TIAM1: variants seen among roughly 807,000 people sequenced by gnomAD.
The protein encoded by TIAM1 is TIAM Rac1 associated GEF 1.
Under a neutral mutation model 163.5 loss-of-function variants are expected in TIAM1, and 65 were observed. That is an observed-to-expected ratio of 0.40 (90% CI 0.33 to 0.49). The LOEUF (loss-of-function observed/expected upper bound fraction) is 0.49. Among genes scored for constraint, TIAM1 ranks in the 20% least tolerant of loss-of-function variants. The pLI is 0.77. For missense variants in TIAM1, 1,789 were observed against 2,044.7 expected, an observed-to-expected ratio of 0.87 and a Z score of 2.41; for synonymous variants, 833 against 810.1, an observed-to-expected ratio of 1.03 and a Z score of -0.48.
At chr21:31,521,396 G>T (rs897022763) in intron 1 of TIAM1, among the ~76,000 whole-genome samples, 1 of 152,110 alleles carries the variant, frequency 6.6e-6, no homozygotes, top group Non-Finnish European at 1.5e-5. Context: ...CTTATCCTTA[G>T]AGCACTGATA....
At chr21:31,475,905 T>G (rs1287497535) in intron 1 of TIAM1, among the ~76,000 whole-genome samples, 1 of 152,224 alleles carries the variant, frequency 6.6e-6, no homozygotes, top group African/African-American at 2.4e-5. Flanking sequence ...GGGCAGGTCA[T>G]TTTTATATAA....
chr21:31,557,257 T>A (rs898771017), intron 1 of TIAM1, among the ~76,000 whole-genome samples: 1 of 152,186 alleles, frequency 6.6e-6, no homozygotes, highest in African/African-American at 2.4e-5. Context: ...CAGCAGTCCT[T>A]CATGCCTTTT....
At chr21:31,228,213 C>CTTT (rs1224052189) in intron 6 of TIAM1, among the ~76,000 whole-genome samples, 1 of 22,222 alleles carries the variant, frequency 4.5e-5, no homozygotes, top group Non-Finnish European at 8.7e-5. Context: ...GCCCGGCCTC[C>CTTT]TTTTTTTAAA....
intron 1 of TIAM1, among the ~76,000 whole-genome samples, chr21:31,520,224 G>C (rs926868216): frequency 1.3e-5 from 2 of 151,880 alleles, no homozygotes; most frequent in African/African-American, 4.8e-5. Context: ...CAAGCTACTC[G>C]GGAGGCTGGG....
At chr21:31,338,250 TGGGAAACTC>T (rs1357726719) in intron 2 of TIAM1, among the ~76,000 whole-genome samples, 2 of 152,000 alleles carry the variant, frequency 1.3e-5, no homozygotes, top group African/African-American at 4.8e-5. Flanking sequence ...GAATGCAGGG[TGGGAAACTC>T]TAAAAGTTAC....
intron 16 of TIAM1, chr21:31,160,793 T>C (rs2083878340): frequency 6.2e-6 from 2 of 322,256 alleles, no homozygotes; most frequent in Non-Finnish European, 1.1e-5. Context: ...GGCTAAACTG[T>C]GGACCAGAAC....
intron 1 of TIAM1, among the ~76,000 whole-genome samples, chr21:31,549,533 G>A (rs186479474): frequency 1.2e-4 from 18 of 152,074 alleles, no homozygotes; most frequent in East Asian, 5.8e-4. Flanking sequence ...GAAAATATAC[G>A]ATTAGCCTAC....
At chr21:31,556,259 A>G (rs191868622) in intron 1 of TIAM1, among the ~76,000 whole-genome samples, 84 of 152,334 alleles carry the variant, frequency 5.5e-4, no homozygotes, top group African/African-American at 1.9e-3. Flanking sequence ...ATTGACATCT[A>G]GCAACAATGC....
At chr21:31,124,885 T>G (rs545185661) in intron 26 of TIAM1, among the ~76,000 whole-genome samples, 191 bp from the exon 27 acceptor site, 1 of 152,198 alleles carries the variant, frequency 6.6e-6, no homozygotes, top group African/African-American at 2.4e-5. Flanking sequence ...TTTCCCTTCA[T>G]GCTTTGTGAT....
intron 2 of TIAM1, among the ~76,000 whole-genome samples, chr21:31,283,537 T>TTTA (rs2073665171): frequency 1.3e-5 from 2 of 151,152 alleles, no homozygotes; most frequent in African/African-American, 4.9e-5. Context: ...TCTTTCCCTT[T>TTTA]TTTATTTATT....
chr21:31,506,261 T>TACACAC (rs112908703), intron 1 of TIAM1, among the ~76,000 whole-genome samples: 1,816 of 148,344 alleles, frequency 0.012, 35 homozygotes, highest in African/African-American at 0.033. Context: ...CTCACACACG[T>TACACAC]ACACACACAC....
chr21:31,521,540 A>T (rs1049438117), intron 1 of TIAM1, among the ~76,000 whole-genome samples: 1 of 152,180 alleles, frequency 6.6e-6, no homozygotes, highest in African/African-American at 2.4e-5. Flanking sequence ...GTTGAAGACC[A>T]GCCTGGGTAA....
intron 2 of TIAM1, among the ~76,000 whole-genome samples, chr21:31,431,995 T>C (rs1229290162): frequency 6.6e-6 from 1 of 152,066 alleles, no homozygotes; most frequent in Non-Finnish European, 1.5e-5. Context: ...CTATGCAGAG[T>C]TACATGCCAT....
intron 2 of TIAM1, among the ~76,000 whole-genome samples, chr21:31,459,056 C>T (rs1474013197): frequency 6.6e-6 from 1 of 152,126 alleles, no homozygotes; most frequent in Non-Finnish European, 1.5e-5. Flanking sequence ...AGCTTTCAAA[C>T]AAACTATAAT....
intron 6 of TIAM1, among the ~76,000 whole-genome samples, chr21:31,227,729 G>C (rs2088072782): frequency 1.3e-5 from 2 of 152,110 alleles, no homozygotes; most frequent in Non-Finnish European, 2.9e-5. Context: ...CTCTTTGCAG[G>C]TCATTATCTT....
chr21:31,405,567 G>C (rs1266458526), intron 2 of TIAM1, among the ~76,000 whole-genome samples: 3 of 152,148 alleles, frequency 2.0e-5, no homozygotes, highest in Admixed American at 2.0e-4. Flanking sequence ...CACATGGCTG[G>C]GGAGGCCTCA....
chr21:31,448,091 C>T (rs2044695007), intron 2 of TIAM1, among the ~76,000 whole-genome samples: 1 of 152,164 alleles, frequency 6.6e-6, no homozygotes, highest in South Asian at 2.1e-4. Flanking sequence ...ACTCAGTCTA[C>T]TGATTTCAAG....
At chr21:31,438,139 TAC>T (rs1310920549) in intron 2 of TIAM1, among the ~76,000 whole-genome samples, 1 of 150,770 alleles carries the variant, frequency 6.6e-6, no homozygotes, top group African/African-American at 2.4e-5. Flanking sequence ...GTGACCATGT[TAC>T]TAGGCCACAC....
At chr21:31,332,856 C>T (rs142284295) in intron 2 of TIAM1, among the ~76,000 whole-genome samples, 3 of 151,756 alleles carry the variant, frequency 2.0e-5, no homozygotes, top group African/African-American at 7.2e-5. Context: ...CAGACATCTG[C>T]CCAAACTAGA....
Sources: gnomAD v4.1 joint callset for allele counts (sites outside exome capture counted in the v4.1 genomes callset) on GRCh38, gnomAD v4.1.1 for gene constraint, MANE v1.5 for transcripts, NCBI Gene and HGNC (gene_info 2026-07-23, HGNC 2026-07-21) for gene names.